The following KIF17 variants were observed in gnomAD, a reference collection of about 807,000 sequenced individuals.
KIF17 encodes the protein kinesin family member 17.
In KIF17, 80 loss-of-function variants were observed where a neutral mutation model predicts 96.8. The ratio of observed to expected loss-of-function variants is 0.83; its 90% CI spans 0.69 to 1.00. The LOEUF is 1.00. Ranked by LOEUF, KIF17 falls within the 50% of genes least tolerant of loss-of-function variation. The probability of loss-of-function intolerance (pLI) is 0.00; values close to 1 mark genes in which losing one functional copy is unlikely to be tolerated. For synonymous variants in KIF17, 567 were observed against 587.5 expected (o/e 0.97, Z 0.51); for missense variants, 1,280 against 1,372.9 (o/e 0.93, Z 1.07).
At position 20,690,204 on chromosome 1, in the gene KIF17, G is replaced by T. The variant is rs1236686639; in HGVS notation, c.1365C>A (p.Asn455Lys). The T allele has an allele frequency of 6.2e-7, 1 of 1,614,148 alleles. No individual in the cohort carries two copies. Among genetic ancestry groups the T allele is most frequent in the South Asian group, 1.1e-5 (1 of 91,088 alleles). The change falls in exon 7 of 15, where the codon AAC becomes AAA. Residue 455 changes from asparagine (N) to lysine (K), a missense_variant. Physicochemically the swap from Asn to Lys is moderately conservative, Grantham distance 94 (BLOSUM62 0). Coordinates refer to ENST00000400463, the MANE Select transcript of KIF17 (RefSeq NM_001122819.3). ...YDVRLSTLEENLRKETEAVLQ... is the reference protein window; with the variant it reads ...YDVRLSTLEEKLRKETEAVLQ... ...GGTGCCCACCTGTCTCCTTCCGCAG[G>T]TTCTCCTCCAGCGTGGACAGCCTGA...
intron 6 of KIF17, among the ~76,000 whole-genome samples, chr1:20,692,431 C>G (rs2054056341): frequency 6.6e-6 from 1 of 152,064 alleles, no homozygotes; most frequent in Non-Finnish European, 1.5e-5. Context: ...ACCTCCACTT[C>G]CCAGGTTCAA....
intron 10 of KIF17, among the ~76,000 whole-genome samples, chr1:20,683,403 C>T (rs2053868262): frequency 6.6e-6 from 1 of 152,144 alleles, no homozygotes; most frequent in Non-Finnish European, 1.5e-5. Flanking sequence ...GCCTGTAATC[C>T]CAGCACTTTG....
chr1:20,683,672 A>C (rs959701478), intron 10 of KIF17, among the ~76,000 whole-genome samples: 2 of 152,034 alleles, frequency 1.3e-5, no homozygotes, highest in Non-Finnish European at 2.9e-5. Context: ...AAAGAAAGAA[A>C]AAAACATCCT....
At chr1:20,711,068 C>T (rs2054426867) in intron 3 of KIF17, among the ~76,000 whole-genome samples, 1 of 152,120 alleles carries the variant, frequency 6.6e-6, no homozygotes, top group Admixed American at 6.6e-5. Flanking sequence ...CTGTGACTTG[C>T]TGGTTGGGGA....
chr1:20,661,804 G>A (rs1297086806), downstream of KIF17, among the ~76,000 whole-genome samples: 9 of 152,260 alleles, frequency 5.9e-5, no homozygotes, highest in East Asian at 1.2e-3. Flanking sequence ...GGCCTGGGAA[G>A]GCTCGGGACC....
At chr1:20,708,619 G>A (rs1009923697) in intron 4 of KIF17, among the ~76,000 whole-genome samples, 4 of 152,204 alleles carry the variant, frequency 2.6e-5, no homozygotes, top group Non-Finnish European at 5.9e-5. Context: ...ACATCACGGA[G>A]ACCCGGGTTC....
At chr1:20,713,249 G>A (rs2054509552) in intron 3 of KIF17, among the ~76,000 whole-genome samples, 3 of 150,770 alleles carry the variant, frequency 2.0e-5, no homozygotes, top group Admixed American at 2.0e-4. Context: ...GCCCACCTTG[G>A]CCTCCCAAAG....
chr1:20,690,425 A>T, intron 6 of KIF17, 90 bp from the exon 7 acceptor site: 5 of 1,256,404 alleles, frequency 4.0e-6, no homozygotes, highest in Middle Eastern at 2.6e-4. Context: ...TTATTCAAAC[A>T]ATACAGAACC....
chr1:20,688,284 G>C (rs957893802), intron 7 of KIF17, among the ~76,000 whole-genome samples: 1 of 151,920 alleles, frequency 6.6e-6, no homozygotes, highest in African/African-American at 2.4e-5. Flanking sequence ...TCCTGACCTC[G>C]TGATCCGCCC....
In KIF17 at chr1:20,699,417, T is replaced by C. The variant is rs111978771; in HGVS notation, c.1124-929A>G. 0.012 allele frequency among the ~76,000 whole-genome samples: 1,786 copies of C among 152,110 alleles called. 12 individuals are homozygous for C. The highest frequency in any genetic ancestry group is 0.017 in the Non-Finnish European group (1,180 of 67,996). On this transcript the variant is annotated intron_variant, in intron 5 of 14. Coordinates refer to ENST00000400463, the MANE Select transcript of KIF17 (RefSeq NM_001122819.3). This position sits in a 1 kb window ranked among gnomAD's most constrained non-coding sequence, Gnocchi z 4.3. The stretch of plus-strand genomic sequence containing the variant: ...CGTCTCTACCAAAAAAATACAAAAA[T>C]TAGCTAGGCATGGTGGCGGGAGCCT...
intron 13 of KIF17, among the ~76,000 whole-genome samples, chr1:20,667,889 A>T (rs1197935567): frequency 6.6e-6 from 1 of 152,188 alleles, no homozygotes; most frequent in African/African-American, 2.4e-5. Context: ...GCATGCCTGT[A>T]ATCCCAGCTA....
intron 1 of KIF17, among the ~76,000 whole-genome samples, chr1:20,716,204 T>C (rs1436169138): frequency 7.1e-6 from 1 of 141,734 alleles, no homozygotes; most frequent in Non-Finnish European, 1.5e-5. Flanking sequence ...GTCGTGCCAC[T>C]GCACCCCAGC....
At chr1:20,667,474 G>A (rs1177672632) in intron 13 of KIF17, among the ~76,000 whole-genome samples, 2 of 152,172 alleles carry the variant, frequency 1.3e-5, no homozygotes, top group Admixed American at 1.3e-4. Context: ...TAATAGAAAT[G>A]AAGTCCACAT....
chr1:20,697,753 TG>T (rs934041776), intron 6 of KIF17, among the ~76,000 whole-genome samples: 4 of 151,564 alleles, frequency 2.6e-5, no homozygotes, highest in South Asian at 2.1e-4. Flanking sequence ...AAGGCAGGAG[TG>T]GGGGGGCCCC....
At position 20,707,067 on chromosome 1, in the gene KIF17, G is replaced by A. The variant is rs147877769; in HGVS notation, c.671-2168C>T. Among the ~76,000 whole-genome samples the A allele has an allele frequency of 2.3e-3, 349 of 152,248 alleles. 1 individual carries two copies. Among genetic ancestry groups the A allele is most frequent in the African/African-American group, 7.9e-3 (327 of 41,540 alleles). On this transcript the variant is annotated intron_variant, in intron 4 of 14. Transcript: ENST00000400463. ...GCTATGATTGCACCACTGCACTCCA[G>A]CCTAGGTGGCAGAGTGAGACTCTGC... is the stretch of plus-strand genomic sequence containing the variant.
intron 6 of KIF17, among the ~76,000 whole-genome samples, chr1:20,698,160 C>T (rs1557598347): frequency 6.6e-6 from 1 of 152,208 alleles, no homozygotes; most frequent in East Asian, 1.9e-4. Context: ...GCATTGAATG[C>T]AGTCTGGAGT....
intron 5 of KIF17, among the ~76,000 whole-genome samples, chr1:20,701,996 G>A (rs1044595040): frequency 6.6e-6 from 1 of 152,214 alleles, no homozygotes; most frequent in Non-Finnish European, 1.5e-5. Context: ...CAAACACAGG[G>A]AGCTTTGGGT....
intron 3 of KIF17, among the ~76,000 whole-genome samples, chr1:20,711,766 G>A (rs1184390311): frequency 6.6e-6 from 1 of 152,180 alleles, no homozygotes; most frequent in East Asian, 1.9e-4. Context: ...CCACGATCGG[G>A]CCTGTGTTAA....
chr1:20,670,518 C>T (rs2053629729), intron 12 of KIF17, 30 bp from the exon 13 acceptor site: 5 of 1,611,412 alleles, frequency 3.1e-6, no homozygotes, highest in African/African-American at 1.3e-5. Flanking sequence ...GCTGAAGTCA[C>T]TGCTGCCTGG....
Sources: allele counts gnomAD v4.1 joint callset (sites outside exome capture counted in the v4.1 genomes callset), GRCh38; gene constraint gnomAD v4.1.1; non-coding constraint Gnocchi (gnomAD v3.1); transcripts MANE v1.5; gene names NCBI Gene and HGNC (gene_info 2026-07-23, HGNC 2026-07-21).